ATP13A4: variants seen among roughly 807,000 people sequenced by gnomAD.
ATP13A4 encodes the protein probable cation-transporting ATPase 13A4.
ATP13A4 carries 114 observed loss-of-function variants against 142.5 expected under a neutral mutation model. The ratio of observed to expected loss-of-function variants is 0.80; its 90% CI spans 0.69 to 0.93. The LOEUF (loss-of-function observed/expected upper bound fraction) is 0.93, where lower values mean the gene tolerates loss of function less well. Among genes scored for constraint, ATP13A4 ranks in the 40% least tolerant of loss-of-function variants. The probability of loss-of-function intolerance (pLI) is 0.00; values close to 1 mark genes in which losing one functional copy is unlikely to be tolerated. For missense variants in ATP13A4, 1,392 were observed against 1,454.0 expected (o/e 0.96, Z 0.69); for synonymous variants, 488 against 514.8 (o/e 0.95, Z 0.70).
chr3:193,428,811 G>T (rs1459272300), intron 25 of ATP13A4, among the ~76,000 whole-genome samples: 1 of 116,076 alleles, frequency 8.6e-6, no homozygotes, highest in East Asian at 3.1e-4. Flanking sequence ...GGAGGGGGGA[G>T]GGATAGCATT....
intron 1 of ATP13A4, among the ~76,000 whole-genome samples, chr3:193,518,956 G>C (rs780361258): frequency 6.6e-5 from 10 of 152,110 alleles, no homozygotes; most frequent in Admixed American, 2.0e-4. Context: ...GCAATGTCTG[G>C]AGATATTTTT....
chr3:193,458,795 T>G, intron 14 of ATP13A4: 1 of 597,770 alleles, frequency 1.7e-6, no homozygotes. Flanking sequence ...GCATAATAAG[T>G]ACAATTATAT....
intron 28 of ATP13A4, 55 bp downstream of exon 28, chr3:193,410,927 A>G (rs566394741): frequency 1.2e-4 from 139 of 1,155,446 alleles, no homozygotes; most frequent in Non-Finnish European, 1.5e-4. Flanking sequence ...TGCTTTTTAA[A>G]GTTAAACTGT....
At chr3:193,553,980 C>T (rs1334414965) in intron 1 of ATP13A4, among the ~76,000 whole-genome samples, 10 of 152,160 alleles carry the variant, frequency 6.6e-5, no homozygotes, top group Non-Finnish European at 1.3e-4. Context: ...TATGCTTACA[C>T]AATTAGCAGA....
At chr3:193,403,904 A>G (rs760524810) in intron 29 of ATP13A4, 3 of 985,420 alleles carry the variant, frequency 3.0e-6, no homozygotes, top group Non-Finnish European at 3.6e-6. Flanking sequence ...GTGAGATTCT[A>G]TAAGGAACTT....
intron 13 of ATP13A4, among the ~76,000 whole-genome samples, chr3:193,460,734 A>T (rs560801006): frequency 6.6e-6 from 1 of 152,364 alleles, no homozygotes; most frequent in South Asian, 2.1e-4. Context: ...TTCTGAGTGT[A>T]TAATTCTGCA....
At chr3:193,453,289 G>A (rs1291975235) in intron 17 of ATP13A4, among the ~76,000 whole-genome samples, 1 of 152,122 alleles carries the variant, frequency 6.6e-6, no homozygotes, top group Non-Finnish European at 1.5e-5. Flanking sequence ...CAAAAATATA[G>A]TTACAAGAGA....
chr3:193,424,482 C>G (rs1361809110), intron 25 of ATP13A4, among the ~76,000 whole-genome samples: 2 of 149,440 alleles, frequency 1.3e-5, no homozygotes, highest in Non-Finnish European at 3.0e-5. Flanking sequence ...ATAAAATAGA[C>G]ACATAGACCA....
At chr3:193,554,669 T>A in intron 1 of ATP13A4, 71 bp downstream of exon 1, 1 of 1,382,908 alleles carries the variant, frequency 7.2e-7, no homozygotes. Context: ...TGTGTGTGTG[T>A]GTGTGTGTGT....
Position 193,435,628 on chromosome 3 carries a change from G to T in ATP13A4, c.2769+20C>A. On this transcript the variant is annotated intron_variant, in intron 24 of 29. Transcript: ENST00000342695. ...TTGTTTTAGTTCACACTAACCAAGAGGCTAAGTCCCAAGTCATACCCAGTA... is the reference window on the plus strand; with the variant it reads ...TTGTTTTAGTTCACACTAACCAAGATGCTAAGTCCCAAGTCATACCCAGTA... The T allele has an allele frequency of 6.3e-7, 1 of 1,592,160 alleles. No individual in the cohort carries two copies.
At chr3:193,560,382 T>C (rs1723989067) in intron 2 of ATP13A4, among the ~76,000 whole-genome samples, 2 of 152,014 alleles carry the variant, frequency 1.3e-5, no homozygotes, top group Non-Finnish European at 2.9e-5. Flanking sequence ...CTAATTTTTG[T>C]TCTTGTTTTT....
intron 3 of ATP13A4, among the ~76,000 whole-genome samples, chr3:193,499,875 T>G (rs544386559): frequency 1.8e-4 from 27 of 152,176 alleles, no homozygotes; most frequent in Middle Eastern, 6.8e-3. Flanking sequence ...AACGCAGCAA[T>G]AATGAGAAAT....
intron 22 of ATP13A4, 105 bp from the exon 23 acceptor site, chr3:193,438,689 C>T: frequency 1.0e-6 from 1 of 958,504 alleles, no homozygotes; most frequent in South Asian, 1.4e-5. Context: ...GGTTTGTGTG[C>T]CCAAACTCTA....
upstream of ATP13A4, among the ~76,000 whole-genome samples, chr3:193,557,282 G>A (rs1723922851): frequency 1.3e-5 from 2 of 152,228 alleles, no homozygotes; most frequent in Non-Finnish European, 2.9e-5. Flanking sequence ...GAGGACTCCA[G>A]TAGTGAGAGA....
intron 2 of ATP13A4, among the ~76,000 whole-genome samples, chr3:193,514,190 T>C (rs535170135): frequency 1.3e-5 from 2 of 152,328 alleles, no homozygotes; most frequent in Non-Finnish European, 2.9e-5. Flanking sequence ...ACCCATGTAT[T>C]AAGCTTAGTA....
intron 18 of ATP13A4, among the ~76,000 whole-genome samples, chr3:193,447,213 C>T (rs1477908141): frequency 6.6e-6 from 1 of 152,012 alleles, no homozygotes; most frequent in African/African-American, 2.4e-5. Flanking sequence ...ATTTTTGAAA[C>T]AGAAGGGTCA....
intron 2 of ATP13A4, among the ~76,000 whole-genome samples, chr3:193,570,498 T>A (rs564696650): frequency 2.6e-5 from 4 of 152,182 alleles, no homozygotes; most frequent in African/African-American, 7.2e-5. Context: ...AAAATCTCAA[T>A]GCATTTTTAT....
At chr3:193,542,214 C>T (rs1722967490) in intron 1 of ATP13A4, among the ~76,000 whole-genome samples, 2 of 152,130 alleles carry the variant, frequency 1.3e-5, no homozygotes, top group Admixed American at 1.3e-4. Flanking sequence ...CATGAACTCC[C>T]ATTCACAATT....
At chr3:193,585,614 G>A (rs1032465858) in intron 1 of ATP13A4, among the ~76,000 whole-genome samples, 2 of 152,052 alleles carry the variant, frequency 1.3e-5, no homozygotes, top group African/African-American at 4.8e-5. Context: ...ATGTTTATAT[G>A]GTACATTCTT....
Sources: allele counts gnomAD v4.1 joint callset (sites outside exome capture counted in the v4.1 genomes callset), GRCh38; gene constraint gnomAD v4.1.1; transcripts MANE v1.5; gene names NCBI Gene and HGNC (gene_info 2026-07-23, HGNC 2026-07-21).